BCAT1: variants seen among roughly 807,000 people sequenced by gnomAD.
BCAT1 encodes the protein branched chain amino acid transaminase 1, also known as branched-chain-amino-acid aminotransferase, cytosolic.
A neutral mutation model predicts 52.4 loss-of-function variants in BCAT1; 48 were observed. The observed-to-expected ratio is 0.92, with a 90% CI of 0.73 to 1.16. BCAT1 has a LOEUF of 1.16. Ranked by LOEUF, BCAT1 falls within the 50% of genes most tolerant of loss-of-function variation. The probability of loss-of-function intolerance (pLI) is 0.00; values close to 1 mark genes in which losing one functional copy is unlikely to be tolerated. For missense variants in BCAT1, 451 were observed against 457.1 expected, an observed-to-expected ratio of 0.99 and a Z score of 0.12; for synonymous variants, 167 against 161.3, an observed-to-expected ratio of 1.04 and a Z score of -0.27.
chr12:24,901,652 T>G (rs193230533), intron 2 of BCAT1, among the ~76,000 whole-genome samples, 162 bp downstream of exon 2: 13 of 152,368 alleles, frequency 8.5e-5, no homozygotes, highest in Non-Finnish European at 1.8e-4. Context: ...TGTCACTCTC[T>G]AAATGGCTTT....
chr12:24,943,838 G>A (rs1350090110), intron 1 of BCAT1, among the ~76,000 whole-genome samples: 1 of 151,366 alleles, frequency 6.6e-6, no homozygotes, highest in East Asian at 2.0e-4. Flanking sequence ...CAAAAAATTA[G>A]CCGGGCGTGG....
chr12:24,901,786 G>A (rs1943109553), intron 2 of BCAT1, 28 bp downstream of exon 2: 1 of 1,605,090 alleles, frequency 6.2e-7, no homozygotes. Context: ...CGTTGCTTTA[G>A]ACACTAAGCC....
chr12:24,920,960 G>T (rs932634691), intron 1 of BCAT1, among the ~76,000 whole-genome samples: 12 of 152,148 alleles, frequency 7.9e-5, no homozygotes, highest in Non-Finnish European at 1.3e-4. Flanking sequence ...AGTCTGGAAG[G>T]GTTCTGAGCA....
At chr12:24,926,872 G>A (rs1048548158) in intron 1 of BCAT1, among the ~76,000 whole-genome samples, 7 of 151,716 alleles carry the variant, frequency 4.6e-5, no homozygotes, top group Non-Finnish European at 7.4e-5. Context: ...TTGTTCACTC[G>A]TTTATCTGCT....
At chr12:24,832,464 G>A (rs889021102) in intron 9 of BCAT1, among the ~76,000 whole-genome samples, 2 of 152,138 alleles carry the variant, frequency 1.3e-5, no homozygotes, top group Non-Finnish European at 2.9e-5. Context: ...CAGCAACTCA[G>A]GAGGCTGAAG....
chr12:24,892,266 C>T (rs1942867080), intron 3 of BCAT1, among the ~76,000 whole-genome samples: 1 of 152,052 alleles, frequency 6.6e-6, no homozygotes, highest in South Asian at 2.1e-4. Context: ...AACCCCATCT[C>T]CCCGAAACTG....
upstream of BCAT1, chr12:24,949,223 G>A: frequency 2.0e-6 from 1 of 506,960 alleles, no homozygotes; most frequent in South Asian, 2.9e-5. Context: ...AAGATTCGGA[G>A]CCAGCGCCCA....
intron 5 of BCAT1, among the ~76,000 whole-genome samples, chr12:24,870,299 A>G (rs774223525): frequency 5.9e-5 from 9 of 152,230 alleles, no homozygotes; most frequent in Admixed American, 2.6e-4. Context: ...TATACATGTT[A>G]TAAAATACAT....
rs1263195049 is a variant in BCAT1 at position 24,810,503 on chromosome 12, T to G, written c.*7505A>C. On this transcript the variant is annotated 3_prime_UTR_variant, in exon 11 of 11. Coordinates refer to ENST00000261192, the MANE Select transcript of BCAT1 (RefSeq NM_005504.7). ...AACTGCTGTCTTATCTGATAAATTA[T>G]ATAAGCTCCAGTAAATGTATGTCAT... 2 of 152,244 alleles carry G rather than the reference T, an allele frequency of 1.3e-5. No homozygotes were observed. The highest frequency in any genetic ancestry group is 6.5e-5 in the Admixed American group (1 of 15,278). The allele number at this position is 152,244 out of a possible 1,614,324, so 9.4% of individuals were successfully genotyped here. A position where few individuals can be genotyped will look rare whatever the true frequency, so the allele number is the denominator to read the frequency against.
In BCAT1 at chr12:24,844,000, A is replaced by G. The variant is rs1239857584; in HGVS notation, c.675-1776T>C. Among the ~76,000 whole-genome samples the G allele has an allele frequency of 2.0e-5, 3 of 152,218 alleles. No individual in the cohort carries two copies. The East Asian group carries it at 5.8e-4, about 29-fold the overall frequency. On this transcript the variant is annotated intron_variant, in intron 6 of 10. Transcript: ENST00000261192. ...GCTGAAGTGGGAGAGCCCTAGGCCA[A>G]CATGGAGCCAGAAGCTCTGACCAGA...
chr12:24,866,375 G>GC (rs71063367), intron 5 of BCAT1, among the ~76,000 whole-genome samples: 6,054 of 152,256 alleles, frequency 0.04, 159 homozygotes, highest in Middle Eastern at 0.095. Context: ...TGAGCCTCCC[G>GC]CCCCCCGCCA....
intron 8 of BCAT1, among the ~76,000 whole-genome samples, chr12:24,835,551 T>TTTTA (rs67156404): frequency 0.029 from 4,282 of 146,580 alleles, 103 homozygotes; most frequent in African/African-American, 0.051. Flanking sequence ...TTAAATTTTA[T>TTTTA]TTTATTTATT....
chr12:24,858,228 ATT>A (rs1365239689), intron 5 of BCAT1, among the ~76,000 whole-genome samples: 2 of 152,144 alleles, frequency 1.3e-5, no homozygotes, highest in Non-Finnish European at 2.9e-5. Context: ...CTGTCTGTGT[ATT>A]TTTGTGTGTT....
chr12:24,833,665 A>G (rs1940786761), intron 8 of BCAT1: 1 of 152,220 alleles, frequency 6.6e-6, no homozygotes, highest in Admixed American at 6.6e-5. Flanking sequence ...AAGGGTGAGT[A>G]CTATCATCCC....
intron 1 of BCAT1, among the ~76,000 whole-genome samples, chr12:24,934,617 G>A (rs942732072): frequency 1.6e-4 from 25 of 152,088 alleles, no homozygotes; most frequent in Admixed American, 2.0e-4. Context: ...GCAGTGGTGC[G>A]ATCTTGGCTC....
intron 5 of BCAT1, among the ~76,000 whole-genome samples, chr12:24,866,243 C>G (rs535600415): frequency 6.6e-6 from 1 of 152,214 alleles, no homozygotes; most frequent in Non-Finnish European, 1.5e-5. Context: ...GAGGGTGCAC[C>G]GGGTCCCCCA....
At chr12:24,889,507 G>A (rs895066849) in intron 3 of BCAT1, among the ~76,000 whole-genome samples, 2 of 152,142 alleles carry the variant, frequency 1.3e-5, no homozygotes, top group African/African-American at 4.8e-5. Context: ...AACTTGGACA[G>A]GCCTTTGTAA....
At chr12:24,941,399 CTG>C (rs1943846544) in intron 1 of BCAT1, among the ~76,000 whole-genome samples, 1 of 152,178 alleles carries the variant, frequency 6.6e-6, no homozygotes, top group Non-Finnish European at 1.5e-5. Flanking sequence ...TTACTGTTCT[CTG>C]TGTTTTTATA....
intron 1 of BCAT1, among the ~76,000 whole-genome samples, chr12:24,907,786 T>G (rs1943250460): frequency 6.6e-6 from 1 of 152,176 alleles, no homozygotes; most frequent in African/African-American, 2.4e-5. Context: ...TTGTTCCTAC[T>G]CCACCGCCTA....
Sources: allele counts gnomAD v4.1 joint callset (sites outside exome capture counted in the v4.1 genomes callset), GRCh38; gene constraint gnomAD v4.1.1; transcripts MANE v1.5; gene names NCBI Gene and HGNC (gene_info 2026-07-23, HGNC 2026-07-21).